NBPF9: variants seen among roughly 807,000 people sequenced by gnomAD.
NBPF9 encodes the protein NBPF family member NBPF9.
In NBPF9, 91 loss-of-function variants were observed where a neutral mutation model predicts 97.8. The observed-to-expected ratio is 0.93, with a 90% CI of 0.79 to 1.11. The LOEUF (loss-of-function observed/expected upper bound fraction) is 1.11. NBPF9 is among the 50% of genes least tolerant of loss of function. The probability of loss-of-function intolerance (pLI) is 0.00; values close to 1 mark genes in which losing one functional copy is unlikely to be tolerated. For missense variants in NBPF9, 992 were observed against 939.5 expected (o/e 1.06, Z -0.73); for synonymous variants, 334 against 359.5 (o/e 0.93, Z 0.80).
intron 11 of NBPF9, among the ~76,000 whole-genome samples, chr1:149,076,908 C>A (rs1308277937): frequency 1.3e-5 from 2 of 151,708 alleles, no homozygotes; most frequent in South Asian, 4.2e-4. Context: ...CATCCTCCCA[C>A]CTAAGTCTCC....
rs587773592 is a variant in NBPF9, at chr1:149,082,303, C to A, written c.-67G>T. On this transcript the variant is annotated 5_prime_UTR_variant, in exon 6 of 30. Coordinates refer to ENST00000584027, the Ensembl canonical transcript of NBPF9. ...GTTGTGAAAAATGTGATCACTCCCACAGCACTTTAGGATCCTTCACCACAA... is the reference window on the plus strand; with the variant it reads ...GTTGTGAAAAATGTGATCACTCCCAAAGCACTTTAGGATCCTTCACCACAA... The A allele has an allele frequency of 8.4e-5, 131 of 1,554,222 alleles. 1 individual carries two copies. In the African/African-American group the frequency reaches 1.6e-3, roughly 19 times the overall value.
At chr1:149,076,753 C>T (rs587668449) in intron 11 of NBPF9, among the ~76,000 whole-genome samples, 2 of 150,470 alleles carry the variant, frequency 1.3e-5, no homozygotes, top group Non-Finnish European at 3.0e-5. Context: ...CCTGATCCAC[C>T]CACCTCGGCC....
chr1:149,062,042 C>A, intron 22 of NBPF9, 51 bp downstream of exon 22: 2 of 762,996 alleles, frequency 2.6e-6, no homozygotes, highest in Non-Finnish European at 4.4e-6. Flanking sequence ...AATATCACCT[C>A]TATCTGGAAG....
At chr1:149,075,447 AC>A (rs2079777142) in intron 12 of NBPF9, among the ~76,000 whole-genome samples, 1 of 152,022 alleles carries the variant, frequency 6.6e-6, no homozygotes, top group Admixed American at 6.6e-5. Flanking sequence ...CTCTAGTCCC[AC>A]CCCCACCTGA....
rs1482932878 is a variant in NBPF9, at chr1:149,097,502, C to T, written c.-337+936G>A. Among the ~76,000 whole-genome samples, 28 of 152,328 alleles carry T rather than the reference C, an allele frequency of 1.8e-4. No individual in the cohort carries two copies. In the East Asian group the frequency reaches 5.4e-3, roughly 29 times the overall value. On this transcript the variant is annotated intron_variant, in intron 4 of 29. Coordinates refer to ENST00000584027, the Ensembl canonical transcript of NBPF9. ...GCAACCTTCCCTGCTGCTCCTTGTC[C>T]ACTCCAGAAGCTGCCCAGCTGCAGG...
Position 149,065,630 on chromosome 1 carries a change from G to A in NBPF9, c.1697C>T (p.Ser566Leu), listed in dbSNP as rs782190347. The change falls in exon 18 of 30, where the codon TCG (serine) becomes TTG (leucine). Residue 566 changes from serine (S) to leucine (L), a missense_variant. Physicochemically the swap from Ser to Leu is moderately radical, Grantham distance 145. Around this residue, in one of 11 missense-constraint regions of NBPF9, gnomAD observed 151 missense variants for 132.8 expected, o/e 1.14. Transcript: ENST00000584027. ...CATTTCAGGAGGAATTGAGGGAGTC[G>A]AATAACCTTCATCCCAGGACTCCTG... 4.5e-5 allele frequency: 72 copies of A among 1,602,538 alleles called. 7 individuals are homozygous for A. Among genetic ancestry groups the A allele is most frequent in the South Asian group, 4.1e-4 (37 of 89,894 alleles).
In NBPF9 at chr1:149,080,157, TG is replaced by T. The variant is rs2080297661; in HGVS notation, c.176-3del. ...TGAGGTCTTTACACTCTTCATACTC[TG>T]AGAAAAGACAGACACGCCTGCCTCA... is the stretch of plus-strand genomic sequence containing the variant. On this transcript the variant is annotated splice_polypyrimidine_tract_variant and splice_region_variant and intron_variant, in intron 7 of 29. Transcript: ENST00000584027. 1 of 1,304,478 alleles carries T rather than the reference TG, an allele frequency of 7.7e-7. No homozygotes were observed. 80.8% of individuals were successfully genotyped at this position (1,304,478 alleles called of 1,614,324 possible). A position where few individuals can be genotyped will look rare whatever the true frequency, so the allele number is the denominator to read the frequency against.
In NBPF9 at chr1:149,076,005, C is replaced by T. The variant is rs322074; in HGVS notation, c.779-141G>A. Reference sequence around the variant, plus strand: ...TCCCTGGTTTCACTCTTGTCATCTCCAGTCTTGATCTCCTTTAAGTCAACT... The same window carrying T: ...TCCCTGGTTTCACTCTTGTCATCTCTAGTCTTGATCTCCTTTAAGTCAACT... On this transcript the variant is annotated intron_variant, in intron 11 of 29. Coordinates refer to ENST00000584027, the Ensembl canonical transcript of NBPF9. 8,982 of 739,120 alleles carry T rather than the reference C, an allele frequency of 0.012. 271 individuals are homozygous for T. In the African/African-American group the frequency reaches 0.14, roughly 11 times the overall value. 45.8% of individuals were successfully genotyped at this position (739,120 alleles called of 1,614,324 possible).
At chr1:149,095,361 T>C (rs2081676054) in intron 4 of NBPF9, among the ~76,000 whole-genome samples, 1 of 141,788 alleles carries the variant, frequency 7.1e-6, no homozygotes, top group East Asian at 2.1e-4. Flanking sequence ...ATAAGAATCC[T>C]AAGAGATAAA....
chr1:149,090,552 C>T (rs1553659830), intron 5 of NBPF9: 4 of 511,232 alleles, frequency 7.8e-6, no homozygotes, highest in Non-Finnish European at 1.4e-5. Flanking sequence ...AAGCCTAATG[C>T]AATAAAGAAT....
intron 5 of NBPF9, among the ~76,000 whole-genome samples, chr1:149,087,706 TAAC>T (rs2081123652): frequency 6.6e-6 from 1 of 151,134 alleles, no homozygotes; most frequent in African/African-American, 2.4e-5. Context: ...TTTTTAAACA[TAAC>T]AACTCTTCTG....
chr1:149,078,912 AC>A (rs2080147279), intron 9 of NBPF9, 94 bp downstream of exon 9: 3 of 1,583,658 alleles, frequency 1.9e-6, no homozygotes, highest in Non-Finnish European at 2.6e-6. Context: ...GCAGAAAAAA[AC>A]CCCACTGATA....
chr1:149,085,616 G>C (rs1306315313), intron 5 of NBPF9, among the ~76,000 whole-genome samples: 2 of 151,890 alleles, frequency 1.3e-5, no homozygotes, highest in African/African-American at 4.8e-5. Context: ...CTCACCAATT[G>C]CTTTTAGGGG....
chr1:149,082,101 T>A lies in NBPF9; in HGVS notation c.39A>T (p.Ala13=), dbSNP rs1449868689. 9.9e-6 allele frequency: 16 copies of A among 1,611,204 alleles called. No homozygotes were observed. In the African/African-American group the frequency reaches 2.1e-4, roughly 22 times the overall value. Residue 13 remains alanine, a synonymous_variant, in exon 7 of 30, where the codon GCA becomes GCT. Coordinates refer to ENST00000584027, the Ensembl canonical transcript of NBPF9. ...CGTTGATTTCTAGAATGTTCATCTC[T>A]GCCTTCTCGCTGGACCAAGGGCCGG...
intron 1 of NBPF9, among the ~76,000 whole-genome samples, 169 bp downstream of exon 1, chr1:149,103,132 C>A (rs1314821372): frequency 2.0e-5 from 3 of 151,904 alleles, no homozygotes; most frequent in East Asian, 4.0e-4. Flanking sequence ...AGGAATCGAA[C>A]GCATGGAACT....
At chr1:149,084,791 T>G (rs1313239210) in intron 5 of NBPF9, among the ~76,000 whole-genome samples, 1 of 143,946 alleles carries the variant, frequency 6.9e-6, no homozygotes, top group East Asian at 3.2e-4. Flanking sequence ...GGGCTGACAC[T>G]GGGGGGGCCA....
chr1:149,087,109 CTCCCTGATGACTAAACAG>C (rs1241536249), intron 5 of NBPF9, among the ~76,000 whole-genome samples: 36 of 152,024 alleles, frequency 2.4e-4, no homozygotes, highest in Non-Finnish European at 5.1e-4. Context: ...ACTGATTGAT[CTCCCTGATGACTAAACAG>C]TGGAGCATCT....
At chr1:149,059,340 G>A in intron 25 of NBPF9, 1 of 463,592 alleles carries the variant, frequency 2.2e-6, no homozygotes, top group Non-Finnish European at 4.0e-6. Flanking sequence ...AATTGGCCGG[G>A]TGACACACTG....
intron 12 of NBPF9, among the ~76,000 whole-genome samples, chr1:149,074,423 T>C (rs1432927573): frequency 1.3e-5 from 2 of 151,376 alleles, no homozygotes; most frequent in Admixed American, 1.3e-4. Flanking sequence ...ATGAAGGAAA[T>C]ATGCCCAAAT....
Sources: gnomAD v4.1 joint callset for allele counts (sites outside exome capture counted in the v4.1 genomes callset) on GRCh38, gnomAD v4.1.1 for gene constraint, gnomAD v4.1.1 regional missense constraint, MANE v1.5 for transcripts, NCBI Gene and HGNC (gene_info 2026-07-23, HGNC 2026-07-21) for gene names.